MYO3A: variants seen among roughly 807,000 people sequenced by gnomAD.
The protein encoded by MYO3A is myosin-IIIa.
Under a neutral mutation model 192.7 loss-of-function variants are expected in MYO3A, and 180 were observed. The observed-to-expected ratio is 0.93, with a 90% CI of 0.83 to 1.06. MYO3A has a LOEUF of 1.06. MYO3A is among the 50% of genes least tolerant of loss of function. MYO3A has a pLI of 0.00. For missense variants in MYO3A, 1,896 were observed against 1,905.0 expected (o/e 1.00, Z 0.09); for synonymous variants, 628 against 645.3 (o/e 0.97, Z 0.41).
intron 4 of MYO3A, among the ~76,000 whole-genome samples, chr10:25,974,559 G>A (rs1032025678): frequency 6.6e-6 from 1 of 152,186 alleles, no homozygotes; most frequent in African/African-American, 2.4e-5. Flanking sequence ...GCTGGCAGCA[G>A]AGACAGGGGC....
At chr10:26,057,157 T>C (rs35251452) in intron 10 of MYO3A, among the ~76,000 whole-genome samples, 1 of 151,724 alleles carries the variant, frequency 6.6e-6, no homozygotes, top group Admixed American at 6.5e-5. Flanking sequence ...GAGGAGTGAA[T>C]GTAAATAAGG....
At chr10:26,138,182 G>A (rs1022027051) in intron 20 of MYO3A, among the ~76,000 whole-genome samples, 2 of 152,174 alleles carry the variant, frequency 1.3e-5, no homozygotes, top group African/African-American at 4.8e-5. Flanking sequence ...TTAAGGCTCA[G>A]GTGGGCATCA....
At chr10:26,184,170 T>A (rs1261200935) in intron 31 of MYO3A, among the ~76,000 whole-genome samples, 1 of 152,134 alleles carries the variant, frequency 6.6e-6, no homozygotes, top group Non-Finnish European at 1.5e-5. Flanking sequence ...TGTGTGCAGC[T>A]CTCTTTAAGT....
intron 7 of MYO3A, among the ~76,000 whole-genome samples, chr10:26,021,134 G>A (rs565681147): frequency 1.3e-5 from 2 of 152,044 alleles, no homozygotes; most frequent in East Asian, 3.9e-4. Context: ...CTTCATCTTT[G>A]CCCATTCCCT....
chr10:25,945,152 T>C (rs1836755771), intron 2 of MYO3A, among the ~76,000 whole-genome samples: 1 of 152,096 alleles, frequency 6.6e-6, no homozygotes, highest in East Asian at 1.9e-4. Flanking sequence ...GGTTGTTTAA[T>C]AGTGTACTGC....
chr10:26,201,329 A>ATCAG (rs780067130), intron 33 of MYO3A, 24 bp downstream of exon 33: 41 of 1,527,310 alleles, frequency 2.7e-5, no homozygotes, highest in Non-Finnish European at 3.7e-5. Flanking sequence ...CTGGATTTCA[A>ATCAG]TCAGTCATCT....
intron 25 of MYO3A, among the ~76,000 whole-genome samples, chr10:26,157,007 C>T (rs1268987945): frequency 6.6e-6 from 1 of 152,144 alleles, no homozygotes; most frequent in Non-Finnish European, 1.5e-5. Context: ...TAATTGCTTA[C>T]AAACTACATC....
intron 2 of MYO3A, among the ~76,000 whole-genome samples, chr10:25,936,781 GA>G (rs1445052926): frequency 1.3e-5 from 2 of 151,966 alleles, no homozygotes; most frequent in African/African-American, 2.4e-5. Context: ...TTTCTTTTAT[GA>G]AAATATGGGT....
In MYO3A at chr10:26,067,060, G is replaced by T; in HGVS notation, c.1039G>T (p.Glu347Ter). 1 of 1,607,386 alleles carries T rather than the reference G, an allele frequency of 6.2e-7. No homozygotes were observed. Among genetic ancestry groups the T allele is most frequent in the Non-Finnish European group, 8.5e-7 (1 of 1,173,966 alleles). Residue 347 changes from glutamate (E) to a stop codon, truncating the protein, a stop_gained, in exon 11 of 35, where the codon GAA becomes TAA. Coordinates refer to ENST00000642920, the MANE Select transcript of MYO3A (RefSeq NM_017433.5). LOFTEE classifies it high-confidence loss of function. ...GGATGTAGATGATTTAGCAACCCTA[G>T]AAATTTTGGATGAGGTAAGAATTTC... is the stretch of plus-strand genomic sequence containing the variant. ...LKDVDDLATL[E>*]ILDENTVSEQ...
rs1266558643 is a variant in MYO3A, at chr10:26,174,220, A to G, written c.3956A>G (p.Gln1319Arg). Reference sequence around the variant, plus strand: ...ACCCAGCGTGCACCGATATGCAGCCAGGAGGAAGGCAGAGGCCGTCTGAGG... The same window carrying G: ...ACCCAGCGTGCACCGATATGCAGCCGGGAGGAAGGCAGAGGCCGTCTGAGG... ...VVTQRAPICS[Q>R]EEGRGRLRHE... The change falls in exon 30 of 35, where the codon CAG (glutamine) becomes CGG (arginine). Residue 1319 changes from glutamine (Q) to arginine (R), a missense_variant. Coordinates refer to ENST00000642920, the MANE Select transcript of MYO3A (RefSeq NM_017433.5). 6.2e-7 allele frequency: 1 copy of G among 1,614,096 alleles called. No homozygotes were observed. Among genetic ancestry groups the G allele is most frequent in the Non-Finnish European group, 8.5e-7 (1 of 1,179,922 alleles).
At chr10:26,056,649 T>A (rs1301495997) in intron 10 of MYO3A, among the ~76,000 whole-genome samples, 1 of 150,830 alleles carries the variant, frequency 6.6e-6, no homozygotes, top group Non-Finnish European at 1.5e-5. Flanking sequence ...ATGGCATTAT[T>A]ACTGAGAAAT....
chr10:25,936,907 T>A (rs1836110693), intron 2 of MYO3A, among the ~76,000 whole-genome samples: 1 of 152,052 alleles, frequency 6.6e-6, no homozygotes. Context: ...AAATAGCCAC[T>A]GTTAATATCC....
In MYO3A at chr10:26,021,421, C is replaced by G. The variant is rs186334085; in HGVS notation, c.586-82C>G. The G allele has an allele frequency of 8.4e-5, 127 of 1,514,286 alleles. No homozygotes were observed. In the South Asian group the frequency reaches 9.8e-4, roughly 12 times the overall value. 93.8% of individuals were successfully genotyped at this position (1,514,286 alleles called of 1,614,324 possible). ...CTATCAAACTTCACCAGTTTAAATA[C>G]TTAATGCTTTGTTCTAAGTATTTTA... On this transcript the variant is annotated intron_variant, in intron 7 of 34. Coordinates refer to ENST00000642920, the MANE Select transcript of MYO3A (RefSeq NM_017433.5).
intron 15 of MYO3A, among the ~76,000 whole-genome samples, chr10:26,089,994 A>G (rs1156359574): frequency 6.6e-6 from 1 of 152,204 alleles, no homozygotes; most frequent in Non-Finnish European, 1.5e-5. Flanking sequence ...CTATTTATTG[A>G]TGTCTGTCCA....
chr10:26,170,793 A>G (rs559016303), intron 29 of MYO3A, among the ~76,000 whole-genome samples: 1 of 152,312 alleles, frequency 6.6e-6, no homozygotes, highest in African/African-American at 2.4e-5. Flanking sequence ...TCCTTTGCTA[A>G]TATGTCCTCC....
At chr10:26,140,245 A>G (rs1217010218) in intron 20 of MYO3A, among the ~76,000 whole-genome samples, 1 of 152,214 alleles carries the variant, frequency 6.6e-6, no homozygotes, top group East Asian at 1.9e-4. Context: ...CTGCTGTGCA[A>G]GTCTGAGGGC....
intron 20 of MYO3A, among the ~76,000 whole-genome samples, chr10:26,135,169 C>A (rs1427825327): frequency 6.6e-6 from 1 of 152,102 alleles, no homozygotes; most frequent in African/African-American, 2.4e-5. Flanking sequence ...CTTCTGACAG[C>A]TATCCATGGT....
At chr10:26,023,582 G>A in intron 8 of MYO3A, 1 of 189,512 alleles carries the variant, frequency 5.3e-6, no homozygotes, top group Non-Finnish European at 1.1e-5. Context: ...ACTCATAAGG[G>A]CATTCTACTG....
chr10:26,167,798 C>T (rs1356018075), intron 27 of MYO3A, among the ~76,000 whole-genome samples: 2 of 152,114 alleles, frequency 1.3e-5, no homozygotes, highest in Non-Finnish European at 2.9e-5. Flanking sequence ...ACCCATGGTG[C>T]CAAGCTTTTA....
Sources: gnomAD v4.1 joint callset for allele counts (sites outside exome capture counted in the v4.1 genomes callset) on GRCh38, gnomAD v4.1.1 for gene constraint, MANE v1.5 for transcripts, NCBI Gene and HGNC (gene_info 2026-07-23, HGNC 2026-07-21) for gene names.